DOCK9: variants seen among roughly 807,000 people sequenced by gnomAD.
DOCK9 encodes dedicator of cytokinesis protein 9.
A neutral mutation model predicts 263.3 loss-of-function variants in DOCK9; 89 were observed. The ratio of observed to expected loss-of-function variants is 0.34; its 90% confidence interval spans 0.28 to 0.40. DOCK9 has a LOEUF of 0.40. DOCK9 is among the 10% of genes least tolerant of loss of function. DOCK9 has a pLI of 1.00. For synonymous variants in DOCK9, 976 were observed against 973.1 expected (o/e 1.00, Z -0.06); for missense variants, 2,140 against 2,603.4 (o/e 0.82, Z 3.87).
chr13:98,897,371 A>G (rs769529858), intron 15 of DOCK9, 117 bp downstream of exon 15: 29 of 1,293,150 alleles, frequency 2.2e-5, no homozygotes, highest in Non-Finnish European at 3.1e-5. Flanking sequence ...CTTCACGCTC[A>G]TTTGCCATCC....
chr13:99,047,461 G>A (rs2040487625), intron 1 of DOCK9, among the ~76,000 whole-genome samples: 1 of 151,082 alleles, frequency 6.6e-6, no homozygotes, highest in Non-Finnish European at 1.5e-5. Context: ...CACTCCTTAG[G>A]TGTTGTCTGA....
intron 2 of DOCK9, among the ~76,000 whole-genome samples, chr13:98,931,685 C>G (rs1434360127): frequency 6.6e-6 from 1 of 152,122 alleles, no homozygotes; most frequent in Non-Finnish European, 1.5e-5. Context: ...GCAACCTCTG[C>G]CTCCCAAGTT....
At chr13:98,815,770 C>T (rs1215139169) in intron 45 of DOCK9, among the ~76,000 whole-genome samples, 2 of 152,098 alleles carry the variant, frequency 1.3e-5, no homozygotes, top group Non-Finnish European at 2.9e-5. Context: ...CGTGAGCCAC[C>T]GCGCCCGGCC....
At chr13:98,912,775 C>A (rs1214825360) in intron 9 of DOCK9, among the ~76,000 whole-genome samples, 2 of 152,062 alleles carry the variant, frequency 1.3e-5, no homozygotes, top group Non-Finnish European at 1.5e-5. Context: ...TAACATGAAT[C>A]TTCTCCTAGG....
At chr13:98,988,911 A>G (rs997430205) in intron 1 of DOCK9, among the ~76,000 whole-genome samples, 38 of 152,156 alleles carry the variant, frequency 2.5e-4, no homozygotes, top group African/African-American at 9.2e-4. Flanking sequence ...TCTCGCTCCC[A>G]GGGTAGGACG....
At chr13:98,805,392 T>C (rs1469708233) in intron 48 of DOCK9, among the ~76,000 whole-genome samples, 183 bp from the exon 49 acceptor site, 4 of 152,204 alleles carry the variant, frequency 2.6e-5, no homozygotes, top group Admixed American at 2.0e-4. Flanking sequence ...GTTTCAAATA[T>C]ACATACACAT....
chr13:98,957,929 T>TGCACAGGCACAG (rs59037163), intron 1 of DOCK9, among the ~76,000 whole-genome samples: 2 of 151,888 alleles, frequency 1.3e-5, no homozygotes, highest in South Asian at 2.1e-4. Flanking sequence ...CCCAGCTGCC[T>TGCACAGGCACAG]GCACAGGCAC....
At chr13:99,034,406 T>C (rs1049198348) in intron 1 of DOCK9, among the ~76,000 whole-genome samples, 3 of 152,184 alleles carry the variant, frequency 2.0e-5, no homozygotes, top group African/African-American at 7.2e-5. Context: ...ATCTTAAGCC[T>C]AAGACCTTCT....
chr13:98,887,935 A>T (rs751645014), intron 18 of DOCK9, among the ~76,000 whole-genome samples: 1 of 152,204 alleles, frequency 6.6e-6, no homozygotes, highest in Non-Finnish European at 1.5e-5. Flanking sequence ...AGAAACTCTG[A>T]TCCTTAAAAA....
At chr13:98,916,565 T>C (rs2050923955) in intron 7 of DOCK9, among the ~76,000 whole-genome samples, 1 of 152,196 alleles carries the variant, frequency 6.6e-6, no homozygotes, top group Admixed American at 6.5e-5. Context: ...TGCAGCACAG[T>C]TCTTAGAAAT....
rs2089090512 is a variant in DOCK9, at chr13:98,794,547, C to T, written c.*79G>A. The T allele has an allele frequency of 6.7e-7, 1 of 1,494,116 alleles. No homozygotes were observed. Among genetic ancestry groups the T allele is most frequent in the Non-Finnish European group, 9.1e-7 (1 of 1,104,754 alleles). 92.6% of individuals were successfully genotyped at this position (1,494,116 alleles called of 1,614,324 possible). A position where few individuals can be genotyped will look rare whatever the true frequency, so the allele number is the denominator to read the frequency against. The stretch of plus-strand genomic sequence containing the variant: ...CCTTGGTCCTCCCTGTGCTCGGTCT[C>T]CCCAGTGATTGGCTTTGGAAAGCAT... On this transcript the variant is annotated 3_prime_UTR_variant, in exon 53 of 53. Transcript: ENST00000682017.
chr13:98,826,738 C>A, intron 44 of DOCK9, 92 bp downstream of exon 44: 4 of 1,022,898 alleles, frequency 3.9e-6, no homozygotes, highest in Admixed American at 4.7e-5. Context: ...CAAATCCCCA[C>A]CTTCCAATCT....
chr13:98,817,710 T>C (rs1205512266), intron 45 of DOCK9, among the ~76,000 whole-genome samples: 2 of 148,352 alleles, frequency 1.3e-5, no homozygotes, highest in Non-Finnish European at 3.0e-5. Flanking sequence ...TGATATATGA[T>C]ATAATGTATG....
intron 1 of DOCK9, among the ~76,000 whole-genome samples, chr13:99,064,401 T>C (rs1461573048): frequency 6.6e-6 from 1 of 152,148 alleles, no homozygotes; most frequent in Non-Finnish European, 1.5e-5. Flanking sequence ...TATGGTCACA[T>C]GAAGCAAAGA....
chr13:99,032,532 C>T (rs1221098532), intron 1 of DOCK9, among the ~76,000 whole-genome samples: 1 of 151,786 alleles, frequency 6.6e-6, no homozygotes, highest in Non-Finnish European at 1.5e-5. Context: ...ATACGCACCC[C>T]TAAAACCCCT....
At chr13:99,011,079 T>C (rs1276235422) in intron 1 of DOCK9, among the ~76,000 whole-genome samples, 2 of 152,098 alleles carry the variant, frequency 1.3e-5, no homozygotes, top group South Asian at 2.1e-4. Flanking sequence ...ATATTTTTAG[T>C]AGAGACAAGG....
intron 1 of DOCK9, among the ~76,000 whole-genome samples, chr13:99,027,162 G>T (rs1303994696): frequency 1.3e-5 from 2 of 152,094 alleles, no homozygotes. Flanking sequence ...TGGAACTACA[G>T]GTGCCCGCCA....
chr13:98,995,875 T>A (rs1032964611), intron 1 of DOCK9, among the ~76,000 whole-genome samples: 2 of 152,156 alleles, frequency 1.3e-5, no homozygotes, highest in African/African-American at 4.8e-5. Flanking sequence ...GGAAATAGCA[T>A]GTGCAAAGGC....
upstream of DOCK9, chr13:99,086,751 G>T: frequency 6.8e-6 from 1 of 147,604 alleles, no homozygotes; most frequent in South Asian, 1.9e-4. Context: ...GGGCCGCCGC[G>T]GCGGGACGGC....
Sources: gnomAD v4.1 joint callset for allele counts (sites outside exome capture counted in the v4.1 genomes callset) on GRCh38, gnomAD v4.1.1 for gene constraint, MANE v1.5 for transcripts, NCBI Gene and HGNC (gene_info 2026-07-23, HGNC 2026-07-21) for gene names.